The following DAAM1 variants were observed in gnomAD, a reference collection of about 807,000 sequenced individuals.
DAAM1 encodes the protein disheveled-associated activator of morphogenesis 1.
In DAAM1, 52 loss-of-function variants were observed where a neutral mutation model predicts 130.0. The observed-to-expected ratio is 0.40, with a 90% CI of 0.32 to 0.50. The LOEUF is 0.50. Among genes scored for constraint, DAAM1 ranks in the 20% least tolerant of loss-of-function variants. The pLI, the probability that DAAM1 is intolerant of heterozygous loss-of-function variation, is 0.61. For missense variants in DAAM1, 1,134 were observed against 1,303.8 expected (o/e 0.87, Z 2.01); for synonymous variants, 452 against 444.5 (o/e 1.02, Z -0.21).
At chr14:59,193,067 A>T (rs919713191) in intron 1 of DAAM1, among the ~76,000 whole-genome samples, 3 of 151,774 alleles carry the variant, frequency 2.0e-5, no homozygotes, top group African/African-American at 7.2e-5. Flanking sequence ...CAACAACAAC[A>T]ACAACAACAA....
chr14:59,363,344 C>T (rs1386653643), intron 22 of DAAM1: 1 of 223,884 alleles, frequency 4.5e-6, no homozygotes, highest in African/African-American at 2.3e-5. Context: ...ATTTGTTTAA[C>T]TTCTATTAAT....
intron 1 of DAAM1, among the ~76,000 whole-genome samples, chr14:59,222,415 AC>A (rs1336505318): frequency 6.6e-6 from 1 of 152,202 alleles, no homozygotes; most frequent in African/African-American, 2.4e-5. Flanking sequence ...AGTGTAATCA[AC>A]CTGCCACCAG....
At chr14:59,289,823 T>G (rs953190656) in intron 2 of DAAM1, among the ~76,000 whole-genome samples, 1 of 146,020 alleles carries the variant, frequency 6.8e-6, no homozygotes, top group African/African-American at 2.5e-5. Flanking sequence ...CAAGATCATG[T>G]CCCTTGCAGC....
intron 1 of DAAM1, among the ~76,000 whole-genome samples, chr14:59,199,278 CTTAA>C (rs1212991194): frequency 6.6e-6 from 1 of 152,160 alleles, no homozygotes; most frequent in Non-Finnish European, 1.5e-5. Flanking sequence ...TTAGTTTCTA[CTTAA>C]TTGTTTTTCT....
intron 17 of DAAM1, among the ~76,000 whole-genome samples, chr14:59,351,976 A>G (rs957956066): frequency 1.2e-4 from 18 of 151,978 alleles, no homozygotes; most frequent in African/African-American, 4.1e-4. Context: ...TGTTCCTCTC[A>G]CCCAGCTCTG....
chr14:59,245,503 C>A lies in DAAM1; in HGVS notation c.-37-17938C>A, dbSNP rs190257439. On this transcript the variant is annotated intron_variant, in intron 1 of 24. Transcript: ENST00000360909. Reference sequence around the variant, plus strand: ...TCCAACAAAATATTACCTAATTAGACACTTTTAGTCTTTTATATAATATTC... The same window carrying A: ...TCCAACAAAATATTACCTAATTAGAAACTTTTAGTCTTTTATATAATATTC... Among the ~76,000 whole-genome samples the A allele has an allele frequency of 1.1e-3, 171 of 152,268 alleles. 1 individual carries two copies. Among genetic ancestry groups the A allele is most frequent in the Non-Finnish European group, 1.6e-3 (107 of 68,018 alleles).
chr14:59,256,490 T>G (rs1013229034), intron 1 of DAAM1, among the ~76,000 whole-genome samples: 1 of 152,240 alleles, frequency 6.6e-6, no homozygotes, highest in African/African-American at 2.4e-5. Context: ...AGAAGCTTTT[T>G]AAATTGTTTC....
chr14:59,331,872 A>C lies in DAAM1; in HGVS notation c.1920A>C (p.Leu640=), dbSNP rs1453260541. 1.2e-6 allele frequency: 2 copies of C among 1,614,074 alleles called. No homozygotes were observed. Among genetic ancestry groups the C allele is most frequent in the Non-Finnish European group, 1.7e-6 (2 of 1,180,020 alleles). ...EIDDTKVFKI[L]DLEDLERTFS... ...ATGATACAAAAGTCTTCAAAATTCT[A>C]GATCTTGAAGACCTGGAAAGAACCT... Residue 640 remains leucine, a synonymous_variant, in exon 15 of 25, where the codon CTA becomes CTC. Transcript: ENST00000360909.
At chr14:59,345,958 T>C (rs1886062599) in intron 16 of DAAM1, among the ~76,000 whole-genome samples, 1 of 152,192 alleles carries the variant, frequency 6.6e-6, no homozygotes, top group South Asian at 2.1e-4. Flanking sequence ...TAGCTGCATA[T>C]GACCATTAAG....
intron 5 of DAAM1, 34 bp downstream of exon 5, chr14:59,320,618 TTC>T (rs1884970688): frequency 3.4e-6 from 5 of 1,481,620 alleles, no homozygotes; most frequent in African/African-American, 1.4e-5. Context: ...TTTTTTTTTT[TTC>T]TCTCCTTCCT....
Position 59,352,605 on chromosome 14 carries a change from C to G in DAAM1, c.2240C>G (p.Ala747Gly). Residue 747 changes from alanine to glycine, a missense_variant, in exon 18 of 25, where the codon GCT (alanine) becomes GGT (glycine). Transcript: ENST00000360909. The part of the protein sequence containing the change: ...HKHELDRMAK[A>G]DRFLFEMSRI... ...CACGAACTGGATCGGATGGCCAAGG[C>G]TGATAGGTTCCTTTTTGAGATGAGC... 6.2e-7 allele frequency: 1 copy of G among 1,613,148 alleles called. No individual in the cohort carries two copies. Among genetic ancestry groups the G allele is most frequent in the South Asian group, 1.1e-5 (1 of 90,756 alleles).
intron 21 of DAAM1, 61 bp downstream of exon 21, chr14:59,359,565 G>A: frequency 7.4e-7 from 1 of 1,349,636 alleles, no homozygotes; most frequent in Non-Finnish European, 1.1e-6. Flanking sequence ...TAGCCATTGA[G>A]GTAGTTTGCA....
intron 12 of DAAM1, among the ~76,000 whole-genome samples, chr14:59,327,825 G>A (rs1324622312): frequency 6.6e-6 from 1 of 152,126 alleles, no homozygotes; most frequent in East Asian, 1.9e-4. Flanking sequence ...AACATTAGCT[G>A]GCCAGCTATT....
intron 3 of DAAM1, among the ~76,000 whole-genome samples, chr14:59,298,824 T>A (rs535424220): frequency 1.6e-4 from 24 of 152,314 alleles, no homozygotes; most frequent in Non-Finnish European, 2.9e-4. Flanking sequence ...GCTTTACCAC[T>A]TGGGTCATTC....
intron 1 of DAAM1, among the ~76,000 whole-genome samples, chr14:59,211,440 G>A (rs576035675): frequency 6.6e-6 from 1 of 152,310 alleles, no homozygotes; most frequent in South Asian, 2.1e-4. Context: ...TTGACCCAGT[G>A]GTGTAATAGT....
chr14:59,235,895 G>T (rs369142928), intron 1 of DAAM1, among the ~76,000 whole-genome samples: 126 of 152,234 alleles, frequency 8.3e-4, no homozygotes, highest in Non-Finnish European at 1.5e-3. Flanking sequence ...GGTGGAACAC[G>T]CATGCAGCTG....
chr14:59,265,271 A>G (rs533733146), intron 2 of DAAM1: 1 of 152,368 alleles, frequency 6.6e-6, no homozygotes, highest in Non-Finnish European at 1.5e-5. Context: ...CCTATTGCCA[A>G]CCAGAGTTGG....
intron 17 of DAAM1, among the ~76,000 whole-genome samples, chr14:59,350,184 C>T (rs2025901): frequency 0.12 from 18,464 of 152,132 alleles, 1,407 homozygotes; most frequent in African/African-American, 0.22. Context: ...GCATCTACTT[C>T]TGTCTTCCCC....
chr14:59,367,384 G>C (rs974546839), intron 23 of DAAM1, 45 bp from the exon 24 acceptor site: 1 of 1,553,022 alleles, frequency 6.4e-7, no homozygotes, highest in Admixed American at 1.9e-5. Context: ...TTTGATTGTG[G>C]AATTCTCATG....
Sources: allele counts gnomAD v4.1 joint callset (sites outside exome capture counted in the v4.1 genomes callset), GRCh38; gene constraint gnomAD v4.1.1; transcripts MANE v1.5; gene names NCBI Gene and HGNC (gene_info 2026-07-23, HGNC 2026-07-21).